Variants in CTNNA3 observed in about 807,000 individuals in gnomAD.
The protein encoded by CTNNA3 is catenin alpha-3.
CTNNA3 carries 76 observed loss-of-function variants against 95.7 expected under a neutral mutation model. The ratio of observed to expected loss-of-function variants is 0.79; its 90% CI spans 0.66 to 0.96. CTNNA3 has a LOEUF of 0.96. Ranked by LOEUF, CTNNA3 falls within the 40% of genes least tolerant of loss-of-function variation. The pLI, the probability that CTNNA3 is intolerant of heterozygous loss-of-function variation, is 0.00. For missense variants in CTNNA3, 1,191 were observed against 1,089.8 expected (o/e 1.09, Z -1.31); for synonymous variants, 431 against 374.4 (o/e 1.15, Z -1.74).
intron 12 of CTNNA3, among the ~76,000 whole-genome samples, chr10:66,368,182 C>T (rs2092727402): frequency 6.6e-6 from 1 of 151,910 alleles, no homozygotes; most frequent in African/African-American, 2.4e-5. Flanking sequence ...TATTTGACCA[C>T]ATAATTTGGA....
At chr10:67,392,937 G>C (rs61866927) in intron 5 of CTNNA3, among the ~76,000 whole-genome samples, 1 of 152,062 alleles carries the variant, frequency 6.6e-6, no homozygotes, top group African/African-American at 2.4e-5. Context: ...GGATAGCATT[G>C]GGAGATATAC....
chr10:67,178,446 A>G (rs1862347488), intron 7 of CTNNA3, among the ~76,000 whole-genome samples: 1 of 152,138 alleles, frequency 6.6e-6, no homozygotes. Flanking sequence ...ATCTAACATT[A>G]AATAGCAAAC....
At chr10:67,699,692 C>T (rs996369056), upstream of CTNNA3, among the ~76,000 whole-genome samples, 35 of 152,320 alleles carry the variant, frequency 2.3e-4, no homozygotes, top group Admixed American at 8.5e-4. Flanking sequence ...CCAGCATGAG[C>T]GACGCAGAAG....
chr10:66,458,125 T>C (rs1366851262), intron 11 of CTNNA3, among the ~76,000 whole-genome samples: 1 of 152,108 alleles, frequency 6.6e-6, no homozygotes, highest in African/African-American at 2.4e-5. Flanking sequence ...AGAGAGACCT[T>C]AGGGAGTGAA....
intron 13 of CTNNA3, among the ~76,000 whole-genome samples, chr10:66,119,046 T>C (rs2082458273): frequency 1.3e-5 from 2 of 152,300 alleles, no homozygotes; most frequent in East Asian, 3.9e-4. Flanking sequence ...CCAGCCACAC[T>C]ATTCTTTTTA....
At chr10:66,194,594 A>C (rs2131893932) in intron 13 of CTNNA3, among the ~76,000 whole-genome samples, 1 of 152,332 alleles carries the variant, frequency 6.6e-6, no homozygotes, top group African/African-American at 2.4e-5. Context: ...AAATAATTAA[A>C]TAAATAAAAA....
At chr10:67,689,555 C>T (rs180896596) in intron 1 of CTNNA3, among the ~76,000 whole-genome samples, 453 of 152,194 alleles carry the variant, frequency 3.0e-3, no homozygotes, top group Middle Eastern at 0.01. Context: ...ACCCAGGAGG[C>T]AAGGGTCAGG....
chr10:66,840,323 A>ATCTCTCTCTCTCTCTC lies in CTNNA3; in HGVS notation c.1048-64815_1048-64800dup, dbSNP rs71035189. Reference sequence around the variant, plus strand: ...CCTGCATTTCTTCTTCCAAGAAGCCATCTCTCTCTCTCTCTCTCTCTCTCT... The same window carrying ATCTCTCTCTCTCTCTC: ...CCTGCATTTCTTCTTCCAAGAAGCCATCTCTCTCTCTCTCTCTCTCTCTCTCTCTCTCTCTCTCTCT... On this transcript the variant is annotated intron_variant, in intron 7 of 17. Transcript: ENST00000433211. 1.8e-4 allele frequency among the ~76,000 whole-genome samples: 16 copies of ATCTCTCTCTCTCTCTC among 90,670 alleles called. No individual in the cohort carries two copies. The East Asian group carries it at 3.6e-3, about 21-fold the overall frequency. 59.5% of individuals were successfully genotyped at this position (90,670 alleles called of 152,430 possible). A position where few individuals can be genotyped will look rare whatever the true frequency, so the allele number is the denominator to read the frequency against.
At chr10:66,418,944 C>T (rs1367452125) in intron 11 of CTNNA3, among the ~76,000 whole-genome samples, 4 of 151,996 alleles carry the variant, frequency 2.6e-5, no homozygotes, top group African/African-American at 2.4e-5. Flanking sequence ...AGTTTGGAGG[C>T]CTTTTCTCTA....
At chr10:67,393,349 T>C (rs1468507564) in intron 5 of CTNNA3, among the ~76,000 whole-genome samples, 1 of 152,200 alleles carries the variant, frequency 6.6e-6, no homozygotes, top group Non-Finnish European at 1.5e-5. Flanking sequence ...CATGATTTTC[T>C]TCATAGCATG....
intron 13 of CTNNA3, among the ~76,000 whole-genome samples, chr10:66,201,546 C>T (rs574088081): frequency 5.1e-4 from 77 of 152,248 alleles, no homozygotes; most frequent in African/African-American, 1.8e-3. Flanking sequence ...TTTATTTTCT[C>T]AAAAGCAGAA....
chr10:67,728,246 G>T (rs1841255297), intron 1 of CTNNA3, among the ~76,000 whole-genome samples: 1 of 148,726 alleles, frequency 6.7e-6, no homozygotes, highest in Admixed American at 6.8e-5. Flanking sequence ...TTGATGTCAG[G>T]AGTTCAAGAC....
intron 13 of CTNNA3, among the ~76,000 whole-genome samples, chr10:66,166,132 AG>A (rs1400313164): frequency 5.3e-5 from 8 of 152,210 alleles, no homozygotes; most frequent in African/African-American, 1.4e-4. Flanking sequence ...AAAACCTTCA[AG>A]AAGGTAACTG....
At chr10:66,966,255 T>C (rs1849404538) in intron 7 of CTNNA3, among the ~76,000 whole-genome samples, 1 of 152,138 alleles carries the variant, frequency 6.6e-6, no homozygotes, top group Non-Finnish European at 1.5e-5. Flanking sequence ...AAAAATAAGT[T>C]CCTTTTAAAT....
intron 13 of CTNNA3, among the ~76,000 whole-genome samples, chr10:66,197,309 A>G (rs1164994316): frequency 6.6e-6 from 1 of 152,010 alleles, no homozygotes; most frequent in Non-Finnish European, 1.5e-5. Flanking sequence ...TGTATAAAAC[A>G]AATGCGTTTA....
intron 9 of CTNNA3, among the ~76,000 whole-genome samples, chr10:66,716,624 T>C (rs1848458452): frequency 6.6e-6 from 1 of 152,146 alleles, no homozygotes; most frequent in Admixed American, 6.6e-5. Flanking sequence ...GAGGCATTTA[T>C]GTTTGTGTTT....
At chr10:67,010,881 G>A (rs1264838211) in intron 7 of CTNNA3, among the ~76,000 whole-genome samples, 2 of 151,850 alleles carry the variant, frequency 1.3e-5, no homozygotes, top group African/African-American at 4.8e-5. Context: ...ACTCCTTTAT[G>A]GTTAACATTA....
At position 67,721,485 on chromosome 10, in the gene CTNNA3, G is replaced by A. The variant is rs150612314; in HGVS notation, c.-2+41949C>T. 0.033 allele frequency among the ~76,000 whole-genome samples: 5,050 copies of A among 151,880 alleles called. 600 individuals carry two copies. The East Asian group carries it at 0.44, about 13-fold the overall frequency. On this transcript the variant is annotated intron_variant, in intron 1 of 17. Coordinates refer to the CTNNA3 transcript ENST00000684154. ...CTTACGTATGCTTCACAACGTTCTC[G>A]TGCTGTGTTTTTCAGCTCCATCAGG... is the stretch of plus-strand genomic sequence containing the variant.
At chr10:67,230,180 C>A (rs115591154) in intron 5 of CTNNA3, among the ~76,000 whole-genome samples, 2,971 of 152,080 alleles carry the variant, frequency 0.02, 103 homozygotes, top group African/African-American at 0.066. Flanking sequence ...TACTTAAAGC[C>A]AACTCATCTT....
Sources: allele counts gnomAD v4.1 joint callset (sites outside exome capture counted in the v4.1 genomes callset), GRCh38; gene constraint gnomAD v4.1.1; transcripts MANE v1.5; gene names NCBI Gene and HGNC (gene_info 2026-07-23, HGNC 2026-07-21).